HS6ST3: variants seen among roughly 807,000 people sequenced by gnomAD.
The protein encoded by HS6ST3 is heparan-sulfate 6-O-sulfotransferase 3.
Under a neutral mutation model 36.7 loss-of-function variants are expected in HS6ST3, and 12 were observed. The ratio of observed to expected loss-of-function variants is 0.33; its 90% CI spans 0.21 to 0.53. The LOEUF (loss-of-function observed/expected upper bound fraction) is 0.53. Ranked by LOEUF, HS6ST3 falls within the 20% of genes least tolerant of loss-of-function variation. HS6ST3 has a pLI of 0.95. For missense variants in HS6ST3, 584 were observed against 640.9 expected (o/e 0.91, Z 0.96); for synonymous variants, 240 against 257.5 (o/e 0.93, Z 0.65).
intron 1 of HS6ST3, among the ~76,000 whole-genome samples, chr13:96,769,706 CT>C (rs1337032102): frequency 6.7e-6 from 1 of 149,764 alleles, no homozygotes; most frequent in Non-Finnish European, 1.5e-5. Context: ...GACTTTTCCC[CT>C]GTTTAATTTG....
At chr13:96,642,862 T>C (rs921630209) in intron 1 of HS6ST3, among the ~76,000 whole-genome samples, 1 of 151,984 alleles carries the variant, frequency 6.6e-6, no homozygotes, top group Non-Finnish European at 1.5e-5. Flanking sequence ...AAATAACTGA[T>C]TTAAAGTCTT....
chr13:96,828,879 G>GTA (rs1471607946), intron 1 of HS6ST3, among the ~76,000 whole-genome samples: 4 of 152,124 alleles, frequency 2.6e-5, no homozygotes, highest in African/African-American at 4.8e-5. Context: ...TTTCTAAATG[G>GTA]TATAGGAAGT....
At chr13:96,144,724 T>C (rs1311991171) in intron 1 of HS6ST3, among the ~76,000 whole-genome samples, 1 of 151,540 alleles carries the variant, frequency 6.6e-6, no homozygotes, top group African/African-American at 2.4e-5. Context: ...ATGTGCCATG[T>C]TGGTGTGCGC....
At chr13:96,200,054 G>C (rs991818611) in intron 1 of HS6ST3, among the ~76,000 whole-genome samples, 1 of 152,118 alleles carries the variant, frequency 6.6e-6, no homozygotes, top group African/African-American at 2.4e-5. Context: ...GCCATACTTA[G>C]TTCTAAACAA....
chr13:96,505,967 ACT>A (rs1466542103), intron 1 of HS6ST3, among the ~76,000 whole-genome samples: 1 of 152,094 alleles, frequency 6.6e-6, no homozygotes, highest in Non-Finnish European at 1.5e-5. Context: ...TAACTTTGCC[ACT>A]GTGTCTCTGA....
chr13:96,640,949 T>G (rs938717434), intron 1 of HS6ST3, among the ~76,000 whole-genome samples: 1 of 152,070 alleles, frequency 6.6e-6, no homozygotes. Flanking sequence ...TTTTGGTTAC[T>G]GCAGACTTAC....
At chr13:96,675,270 A>C (rs534032161) in intron 1 of HS6ST3, among the ~76,000 whole-genome samples, 3 of 152,110 alleles carry the variant, frequency 2.0e-5, no homozygotes, top group Non-Finnish European at 4.4e-5. Context: ...AGAGAAAATC[A>C]AGAACTACAT....
rs556454182 is a variant in HS6ST3 at position 96,668,488 on chromosome 13, C to A, written c.708-164002C>A. Among the ~76,000 whole-genome samples, 6 of 152,136 alleles carry A rather than the reference C, an allele frequency of 3.9e-5. No homozygotes were observed. The Middle Eastern group carries it at 0.014, about 345-fold the overall frequency. Reference sequence around the variant, plus strand: ...GACCTGCTGGCTCACCTGCCCATACCCTGTGAGGCAGCTCCCTTCTGCTGA... The same window carrying A: ...GACCTGCTGGCTCACCTGCCCATACACTGTGAGGCAGCTCCCTTCTGCTGA... On this transcript the variant is annotated intron_variant, in intron 1 of 1. Transcript: ENST00000376705.
chr13:96,133,756 A>T (rs2139313115), intron 1 of HS6ST3, among the ~76,000 whole-genome samples: 1 of 151,602 alleles, frequency 6.6e-6, no homozygotes, highest in South Asian at 2.1e-4. Flanking sequence ...GAGTAATCTC[A>T]TTTGTCTATT....
intron 1 of HS6ST3, among the ~76,000 whole-genome samples, chr13:96,417,790 C>T (rs7994857): frequency 0.47 from 70,939 of 149,486 alleles, 17,607 homozygotes; most frequent in Non-Finnish European, 0.56. Flanking sequence ...TTCACGGTAA[C>T]GATGTTCTAT....
intron 1 of HS6ST3, among the ~76,000 whole-genome samples, chr13:96,677,041 C>A (rs1018459114): frequency 1.3e-5 from 2 of 152,000 alleles, no homozygotes; most frequent in Non-Finnish European, 2.9e-5. Flanking sequence ...ATGTGTGCAG[C>A]AAATCTTTGT....
chr13:96,706,413 T>TATATATATATA (rs1555319827), intron 1 of HS6ST3, among the ~76,000 whole-genome samples: 9 of 121,028 alleles, frequency 7.4e-5, no homozygotes, highest in African/African-American at 2.1e-4. Flanking sequence ...AGAATATATT[T>TATATATATATA]TATATATATA....
At chr13:96,491,619 A>G (rs60976943) in intron 1 of HS6ST3, among the ~76,000 whole-genome samples, 5,055 of 152,122 alleles carry the variant, frequency 0.033, 267 homozygotes, top group African/African-American at 0.11. Context: ...ACCCACCTGC[A>G]TTCCCAACTT....
intron 1 of HS6ST3, among the ~76,000 whole-genome samples, chr13:96,161,498 C>T (rs997406623): frequency 6.6e-6 from 1 of 152,160 alleles, no homozygotes; most frequent in Non-Finnish European, 1.5e-5. Context: ...GGACTGTATT[C>T]TCCACTAAGA....
chr13:96,116,378 G>C (rs1303726269), intron 1 of HS6ST3, among the ~76,000 whole-genome samples: 1 of 152,160 alleles, frequency 6.6e-6, no homozygotes, highest in Non-Finnish European at 1.5e-5. Flanking sequence ...ACCCAACTGT[G>C]GGGTGGGAGT....
intron 1 of HS6ST3, among the ~76,000 whole-genome samples, chr13:96,807,815 G>C (rs893511312): frequency 2.7e-5 from 4 of 149,708 alleles, no homozygotes; most frequent in African/African-American, 9.9e-5. Flanking sequence ...GCAGTGAGCC[G>C]AGATGGTGCC....
chr13:96,333,968 T>C (rs2055086294), intron 1 of HS6ST3, among the ~76,000 whole-genome samples: 2 of 152,066 alleles, frequency 1.3e-5, no homozygotes, highest in Non-Finnish European at 2.9e-5. Flanking sequence ...TTTGAATAAT[T>C]CTGCAGGTTC....
intron 1 of HS6ST3, among the ~76,000 whole-genome samples, chr13:96,525,955 A>G (rs1173957040): frequency 6.6e-6 from 1 of 152,174 alleles, no homozygotes; most frequent in African/African-American, 2.4e-5. Flanking sequence ...CCCTTTAGGC[A>G]TTCCCAGGAC....
intron 1 of HS6ST3, among the ~76,000 whole-genome samples, chr13:96,425,627 G>C (rs997719490): frequency 3.9e-5 from 6 of 151,998 alleles, no homozygotes; most frequent in South Asian, 2.1e-4. Flanking sequence ...GTGTGTGTGT[G>C]TATGTGTATA....
Sources: gnomAD v4.1 joint callset for allele counts (sites outside exome capture counted in the v4.1 genomes callset) on GRCh38, gnomAD v4.1.1 for gene constraint, MANE v1.5 for transcripts, NCBI Gene and HGNC (gene_info 2026-07-23, HGNC 2026-07-21) for gene names.